The following CIT variants were observed in gnomAD, a reference collection of about 807,000 sequenced individuals.
The protein encoded by CIT is citron rho-interacting serine/threonine kinase, also known as citron Rho-interacting kinase.
CIT carries 79 observed loss-of-function variants against 272.7 expected under a neutral mutation model. The observed-to-expected ratio is 0.29, with a 90% CI of 0.24 to 0.35. The LOEUF is 0.35. CIT is among the 10% of genes least tolerant of loss of function. The probability of loss-of-function intolerance (pLI) is 1.00; values close to 1 mark genes in which losing one functional copy is unlikely to be tolerated. For synonymous variants in CIT, 948 were observed against 995.6 expected (o/e 0.95, Z 0.90); for missense variants, 1,909 against 2,618.3 (o/e 0.73, Z 5.91).
At chr12:119,696,611 C>T (rs913800573) in intron 46 of CIT, among the ~76,000 whole-genome samples, 12 of 152,128 alleles carry the variant, frequency 7.9e-5, no homozygotes, top group Non-Finnish European at 1.5e-4. Flanking sequence ...CGGCAACCTC[C>T]GCCTCAAGGG....
chr12:119,737,306 CAAAAAAAAAAAAAAAA>C lies in CIT; in HGVS notation c.2959-1965_2959-1950del, dbSNP rs145489542. 1.7e-3 allele frequency among the ~76,000 whole-genome samples: 42 copies of C among 24,170 alleles called. No homozygotes were observed. The East Asian group carries it at 0.027, about 15-fold the overall frequency. The allele number at this position is 24,170 out of a possible 152,430, so 15.9% of individuals were successfully genotyped here. ...TGGGTGACAGAGCAAGATTCCATCT[CAAAAAAAAAAAAAAAA>C]AAAAAAAAAAAAAAAAAAAAGCCTC... On this transcript the variant is annotated intron_variant, in intron 24 of 47. Transcript: ENST00000392521.
intron 10 of CIT, among the ~76,000 whole-genome samples, chr12:119,798,451 T>C (rs1965924745): frequency 6.6e-6 from 1 of 152,162 alleles, no homozygotes; most frequent in African/African-American, 2.4e-5. Context: ...AGAATAATAA[T>C]GGTACCTTCC....
rs866367295 is a variant in CIT at position 119,712,830 on chromosome 12, G to T, written c.4580-135C>A. On this transcript the variant is annotated intron_variant, in intron 35 of 47. Coordinates refer to ENST00000392521, the MANE Select transcript of CIT (RefSeq NM_001206999.2). The surrounding 1 kb of genome is among the most constrained non-coding windows in gnomAD (Gnocchi z 5.2). Reference sequence around the variant, plus strand: ...GTAAAGAGAGGCGCACGAGAACAAGGAAGGGACAGAGGTGTGCAGAGAAGG... The same window carrying T: ...GTAAAGAGAGGCGCACGAGAACAAGTAAGGGACAGAGGTGTGCAGAGAAGG... 1 of 686,474 alleles carries T rather than the reference G, an allele frequency of 1.5e-6. No individual in the cohort carries two copies. Among genetic ancestry groups the T allele is most frequent in the Middle Eastern group, 2.6e-4 (1 of 3,814 alleles). 42.5% of individuals were successfully genotyped at this position (686,474 alleles called of 1,614,324 possible).
chr12:119,695,766 G>A (rs1189908290), intron 46 of CIT, among the ~76,000 whole-genome samples: 1 of 152,136 alleles, frequency 6.6e-6, no homozygotes, highest in East Asian at 1.9e-4. Flanking sequence ...TTCCAGCTTA[G>A]ATGACAGAGA....
At chr12:119,715,011 G>A (rs1037498382) in intron 32 of CIT, among the ~76,000 whole-genome samples, 6 of 152,228 alleles carry the variant, frequency 3.9e-5, no homozygotes, top group African/African-American at 1.4e-4. Flanking sequence ...ATTCCCATGT[G>A]TTGGGAGGGA....
chr12:119,762,333 T>C (rs1176667109), intron 19 of CIT, among the ~76,000 whole-genome samples: 1 of 152,148 alleles, frequency 6.6e-6, no homozygotes, highest in African/African-American at 2.4e-5. Context: ...GGATGAGAAA[T>C]GGCCCACTCT....
chr12:119,820,903 G>A (rs953550509), intron 9 of CIT, among the ~76,000 whole-genome samples: 7 of 152,184 alleles, frequency 4.6e-5, no homozygotes, highest in African/African-American at 1.4e-4. Context: ...ATGGGAGGTC[G>A]AGGCTGCAGT....
chr12:119,821,528 C>A (rs1967721322), intron 9 of CIT, among the ~76,000 whole-genome samples: 1 of 152,116 alleles, frequency 6.6e-6, no homozygotes, highest in Admixed American at 6.5e-5. Context: ...TGGGGGACTA[C>A]TTTAACTCTA....
At chr12:119,777,612 G>C (rs1236998261) in intron 13 of CIT, among the ~76,000 whole-genome samples, 2 of 151,446 alleles carry the variant, frequency 1.3e-5, no homozygotes, top group East Asian at 3.9e-4. Context: ...GGAGGTTGCA[G>C]TGAGCCGAGA....
intron 1 of CIT, 30 bp from the exon 2 acceptor site, chr12:119,876,211 T>C (rs766403590): frequency 2.2e-5 from 32 of 1,450,478 alleles, no homozygotes; most frequent in South Asian, 5.8e-5. Context: ...GTCAAGTGTG[T>C]CCTATGTTTT....
rs889978838 is a variant in CIT at position 119,694,445 on chromosome 12, C to T, written c.5882+3214G>A. Reference sequence around the variant, plus strand: ...TGAATAACTACTTCTCACACTGACACGGAGCAATCGCCAAGACACATCAAG... The same window carrying T: ...TGAATAACTACTTCTCACACTGACATGGAGCAATCGCCAAGACACATCAAG... On this transcript the variant is annotated intron_variant, in intron 46 of 47. Coordinates refer to ENST00000392521, the MANE Select transcript of CIT (RefSeq NM_001206999.2). The surrounding 1 kb of genome is among the most constrained non-coding windows in gnomAD (Gnocchi z 4.5). 3.3e-5 allele frequency among the ~76,000 whole-genome samples: 5 copies of T among 152,016 alleles called. No homozygotes were observed. The highest frequency in any genetic ancestry group is 2.1e-4 in the South Asian group (1 of 4,832).
intron 18 of CIT, among the ~76,000 whole-genome samples, chr12:119,767,897 T>C (rs1483676338): frequency 2.6e-5 from 4 of 151,936 alleles, no homozygotes; most frequent in Non-Finnish European, 4.4e-5. Context: ...AATTCTTTTA[T>C]TGTTAAGTTT....
chr12:119,869,106 C>G lies in CIT; in HGVS notation c.192G>C (p.Gln64His). The change falls in exon 3 of 48, where the codon CAG becomes CAC. Residue 64 changes from glutamine to histidine, a missense_variant. Gln to His is a conservative substitution (Grantham distance 24). Around this residue, in one of 8 missense-constraint regions of CIT, gnomAD observed 529 missense variants for 549.6 expected, o/e 0.96. Coordinates refer to ENST00000392521, the MANE Select transcript of CIT (RefSeq NM_001206999.2). ...ALFVLFEECS[Q>H]PALMKIKHVS... ...CGTGCTTAATCTTCATCAGAGCAGG[C>G]TGACTGCATTCTTCAAAGAGAACAA... The G allele has an allele frequency of 6.2e-7, 1 of 1,612,874 alleles. No individual in the cohort carries two copies. Among genetic ancestry groups the G allele is most frequent in the Non-Finnish European group, 8.5e-7 (1 of 1,179,670 alleles).
rs997510581 is a variant in CIT at position 119,776,396 on chromosome 12, C to A, written c.1849G>T (p.Gly617Trp). The A allele has an allele frequency of 2.5e-6, 4 of 1,613,442 alleles. No individual in the cohort carries two copies. Among genetic ancestry groups the A allele is most frequent in the Non-Finnish European group, 3.4e-6 (4 of 1,179,640 alleles). Residue 617 changes from glycine to tryptophan, a missense_variant, in exon 15 of 48, where the codon GGG (glycine) becomes TGG (tryptophan). Around this residue, in one of 8 missense-constraint regions of CIT, gnomAD observed 530 missense variants for 822.4 expected, o/e 0.64. Transcript: ENST00000392521. ...QHKLLKAKDQGKPEVGEYAKL... is the reference protein window; with the variant it reads ...QHKLLKAKDQWKPEVGEYAKL... ...GCATATTCTCCCACTTCAGGCTTCC[C>A]TTGATCCTTAGCCTGTAATTAAAAA... is the stretch of plus-strand genomic sequence containing the variant.
Position 119,694,832 on chromosome 12 carries a change from AAAAT to A in CIT, c.5882+2823_5882+2826del, listed in dbSNP as rs142978078. Among the ~76,000 whole-genome samples the A allele has an allele frequency of 7.6e-3, 1,160 of 152,142 alleles. 17 individuals are homozygous for A. Among genetic ancestry groups the A allele is most frequent in the African/African-American group, 0.026 (1,095 of 41,512 alleles). The stretch of plus-strand genomic sequence containing the variant: ...AAAAAAAATAAATAAATAAAAATAA[AAAAT>A]AAATAAACAAGGAGGGGAAGGGCAC... On this transcript the variant is annotated intron_variant, in intron 46 of 47. Coordinates refer to ENST00000392521, the MANE Select transcript of CIT (RefSeq NM_001206999.2). This position sits in a 1 kb window ranked among gnomAD's most constrained non-coding sequence, Gnocchi z 4.5.
At chr12:119,748,577 C>A (rs746019383) in intron 23 of CIT, among the ~76,000 whole-genome samples, 8 of 152,200 alleles carry the variant, frequency 5.3e-5, no homozygotes, top group Non-Finnish European at 1.0e-4. Context: ...GGCTATCATG[C>A]CGATGGCTTA....
intron 23 of CIT, 75 bp from the exon 24 acceptor site, chr12:119,742,539 A>C: frequency 8.7e-7 from 1 of 1,145,324 alleles, no homozygotes; most frequent in East Asian, 2.4e-5. Context: ...TCAAATATAG[A>C]GAATAGCAAT....
Position 119,712,248 on chromosome 12 carries a change from C to T in CIT, c.4784G>A (p.Arg1595His), listed in dbSNP as rs745845994. The part of the protein sequence containing the change: ...LLAPSFPDKQ[R>H]WVTALESVVA... ...AACTGATTCTAAGGCGGTGACCCAG[C>T]GCTGTTTGTCAGGGAAGCTGGGAGC... Residue 1595 changes from arginine (R) to histidine (H), a missense_variant, in exon 37 of 48, where the codon CGC (arginine) becomes CAC (histidine). Arg to His is a conservative substitution (Grantham distance 29, BLOSUM62 0). Around this residue, in one of 8 missense-constraint regions of CIT, gnomAD observed 780 missense variants for 1,067.2 expected, o/e 0.73. Coordinates refer to ENST00000392521, the MANE Select transcript of CIT (RefSeq NM_001206999.2). The surrounding 1 kb of genome is among the most constrained non-coding windows in gnomAD (Gnocchi z 5.2). 4.3e-6 allele frequency: 7 copies of T among 1,614,004 alleles called. No individual in the cohort carries two copies. The highest frequency in any genetic ancestry group is 2.2e-5 in the South Asian group (2 of 91,062).
chr12:119,852,243 C>T (rs1970266733), intron 4 of CIT, among the ~76,000 whole-genome samples: 1 of 152,100 alleles, frequency 6.6e-6, no homozygotes, highest in Non-Finnish European at 1.5e-5. Context: ...TAAATCTAAA[C>T]ATAAGCAACA....
Sources: allele counts gnomAD v4.1 joint callset (sites outside exome capture counted in the v4.1 genomes callset), GRCh38; gene constraint gnomAD v4.1.1; regional missense constraint gnomAD v4.1.1; non-coding constraint Gnocchi (gnomAD v3.1); transcripts MANE v1.5; gene names NCBI Gene and HGNC (gene_info 2026-07-23, HGNC 2026-07-21).